RREB1: variants seen among roughly 807,000 people sequenced by gnomAD.
The protein encoded by RREB1 is ras-responsive element-binding protein 1.
In RREB1, 27 loss-of-function variants were observed where a neutral mutation model predicts 117.8. The observed-to-expected ratio is 0.23, with a 90% CI of 0.17 to 0.32. The LOEUF is 0.32. Ranked by LOEUF, RREB1 falls within the 10% of genes least tolerant of loss-of-function variation. The probability of loss-of-function intolerance (pLI) is 1.00; values close to 1 mark genes in which losing one functional copy is unlikely to be tolerated. For missense variants in RREB1, 2,577 were observed against 2,378.2 expected, an observed-to-expected ratio of 1.08 and a Z score of -1.74; for synonymous variants, 1,298 against 1,026.7, an observed-to-expected ratio of 1.26 and a Z score of -5.05.
chr6:7,244,390 T>C (rs1026583114), intron 11 of RREB1, among the ~76,000 whole-genome samples: 3 of 152,052 alleles, frequency 2.0e-5, no homozygotes, highest in Non-Finnish European at 4.4e-5. Flanking sequence ...CTGGGCAACA[T>C]AGGGAGACCC....
intron 6 of RREB1, among the ~76,000 whole-genome samples, chr6:7,195,825 T>C (rs907899947): frequency 6.6e-6 from 1 of 152,204 alleles, no homozygotes; most frequent in Non-Finnish European, 1.5e-5. Flanking sequence ...TGTAACCCGT[T>C]TGAGGCCCTC....
Position 7,246,956 on chromosome 6 carries a change from G to T in RREB1, c.4506G>T (p.Glu1502Asp). 6.4e-7 allele frequency: 1 copy of T among 1,566,058 alleles called. No homozygotes were observed. The highest frequency in any genetic ancestry group is 8.6e-7 in the Non-Finnish European group (1 of 1,156,896). Residue 1502 changes from glutamate to aspartate, a missense_variant, in exon 12 of 13, where the codon GAG becomes GAT. Transcript: ENST00000379938. ...CTGAACAGGAGGAGAAGCCCCCCGAGACCCCGGCAGAGGTGGTGGAGTCGG... is the reference window on the plus strand; with the variant it reads ...CTGAACAGGAGGAGAAGCCCCCCGATACCCCGGCAGAGGTGGTGGAGTCGG... Reference protein sequence around the residue: ...PAPEQEEKPPETPAEVVESAP... With the variant: ...PAPEQEEKPPDTPAEVVESAP...
At position 7,230,133 on chromosome 6, in the gene RREB1, C is replaced by T; in HGVS notation, c.2034C>T (p.Tyr678=). 2 of 1,604,764 alleles carry T rather than the reference C, an allele frequency of 1.2e-6. No individual in the cohort carries two copies. Among genetic ancestry groups the T allele is most frequent in the Non-Finnish European group, 8.5e-7 (1 of 1,177,206 alleles). ...CATACCAGTGCAACATCTGCGACTA[C>T]ATCGCCGCCGACAAGGCCGCGCTCA... ...ISPYQCNICD[Y]IAADKAALIR... The change falls in exon 10 of 13, where the codon TAC becomes TAT. Residue 678 remains tyrosine, a synonymous_variant. Coordinates refer to ENST00000379938, the MANE Select transcript of RREB1 (RefSeq NM_001003699.4).
chr6:7,247,098 C>T lies in RREB1; in HGVS notation c.4648C>T (p.Pro1550Ser), dbSNP rs1271652371. Residue 1550 changes from proline (P) to serine (S), a missense_variant, in exon 12 of 13, where the codon CCA (proline) becomes TCA (serine). Coordinates refer to ENST00000379938, the MANE Select transcript of RREB1 (RefSeq NM_001003699.4). ...SSEKSDDDKK[P>S]KTDSPKSVAS... is the part of the protein sequence containing the mutation. ...AGAGAAGAGCGACGATGACAAGAAACCAAAGACAGACTCCCCCAAAAGCGT... is the reference window on the plus strand; with the variant it reads ...AGAGAAGAGCGACGATGACAAGAAATCAAAGACAGACTCCCCCAAAAGCGT... The T allele has an allele frequency of 3.1e-6, 5 of 1,613,726 alleles. No individual in the cohort carries two copies. Among genetic ancestry groups the T allele is most frequent in the Middle Eastern group, 1.6e-4 (1 of 6,084 alleles).
chr6:7,205,740 G>A (rs1766235746), intron 6 of RREB1, among the ~76,000 whole-genome samples: 1 of 152,168 alleles, frequency 6.6e-6, no homozygotes, highest in Non-Finnish European at 1.5e-5. Context: ...TTCAGCCCTT[G>A]CACAGGGTGT....
chr6:7,121,899 A>G (rs1007524184), intron 1 of RREB1, among the ~76,000 whole-genome samples: 1 of 152,046 alleles, frequency 6.6e-6, no homozygotes, highest in Non-Finnish European at 1.5e-5. Context: ...GCAGGGTGCA[A>G]TCTGACCCTG....
rs765436629 is a variant in RREB1, at chr6:7,230,940, C to G, written c.2841C>G (p.Asp947Glu). Residue 947 changes from aspartate (D) to glutamate (E), a missense_variant, in exon 10 of 13, where the codon GAC (aspartate) becomes GAG (glutamate). Asp to Glu is a conservative substitution (Grantham distance 45). Transcript: ENST00000379938. ...LSIPKNFRKG[D>E]KDLATPSEAK... ...TCCCCAAGAACTTCAGGAAAGGGGA[C>G]AAGGATTTGGCCACTCCCAGCGAAG... 5.6e-6 allele frequency: 9 copies of G among 1,613,882 alleles called. No homozygotes were observed. The East Asian group carries it at 2.0e-4, about 36-fold the overall frequency.
At chr6:7,223,082 A>G (rs1767357882) in intron 8 of RREB1, among the ~76,000 whole-genome samples, 1 of 151,696 alleles carries the variant, frequency 6.6e-6, no homozygotes, top group African/African-American at 2.4e-5. Flanking sequence ...TGGTGACACC[A>G]TGTCTCTACA....
At chr6:7,212,583 G>A (rs137898079) in intron 8 of RREB1, 2 of 152,236 alleles carry the variant, frequency 1.3e-5, no homozygotes, top group Admixed American at 6.5e-5. Flanking sequence ...GTCGTTGAGA[G>A]ACTTGAAAGT....
At chr6:7,223,257 TAAA>T (rs59558597) in intron 8 of RREB1, among the ~76,000 whole-genome samples, 3 of 97,276 alleles carry the variant, frequency 3.1e-5, no homozygotes, top group South Asian at 3.6e-4. Context: ...ACTCTCTTTT[TAAA>T]AAAAAAAAAA....
intron 6 of RREB1, among the ~76,000 whole-genome samples, chr6:7,195,451 C>T (rs7743323): frequency 0.12 from 18,450 of 152,166 alleles, 1,572 homozygotes; most frequent in Non-Finnish European, 0.18. Flanking sequence ...ATCTGAGACT[C>T]TAGTAGTGAG....
At chr6:7,178,312 T>G (rs886626665) in intron 2 of RREB1, among the ~76,000 whole-genome samples, 1 of 152,168 alleles carries the variant, frequency 6.6e-6, no homozygotes, top group Non-Finnish European at 1.5e-5. Context: ...TTAGTAATGG[T>G]CTTTTATTCC....
At chr6:7,133,915 A>G (rs2113362545) in intron 1 of RREB1, among the ~76,000 whole-genome samples, 1 of 152,330 alleles carries the variant, frequency 6.6e-6, no homozygotes, top group African/African-American at 2.4e-5. Context: ...AATAAAACCC[A>G]TTTTTGTACA....
At chr6:7,142,873 A>T (rs1762678491) in intron 1 of RREB1, among the ~76,000 whole-genome samples, 1 of 152,000 alleles carries the variant, frequency 6.6e-6, no homozygotes, top group African/African-American at 2.4e-5. Context: ...TCATGGGGGG[A>T]TAACTTTTCT....
rs753632181 is a variant in RREB1, at chr6:7,231,106, C to A, written c.3007C>A (p.Pro1003Thr). ...CCCTGCTCCGGCGGCCACCCCGGAA[C>A]CCCCAGCACAGCCCCTGCAGGGCCC... ...MAPAPAATPEPPAQPLQGPVQ... is the reference protein window; with the variant it reads ...MAPAPAATPETPAQPLQGPVQ... Residue 1003 changes from proline to threonine, a missense_variant, in exon 10 of 13, where the codon CCC (proline) becomes ACC (threonine). Transcript: ENST00000379938. 1 of 1,612,970 alleles carries A rather than the reference C, an allele frequency of 6.2e-7. No individual in the cohort carries two copies. Among genetic ancestry groups the A allele is most frequent in the Non-Finnish European group, 8.5e-7 (1 of 1,179,962 alleles).
At position 7,226,588 on chromosome 6, in the gene RREB1, A is replaced by G; in HGVS notation, c.829A>G (p.Ile277Val). The G allele has an allele frequency of 1.2e-6, 2 of 1,614,166 alleles. No individual in the cohort carries two copies. The highest frequency in any genetic ancestry group is 2.2e-5 in the South Asian group (2 of 91,082). The change falls in exon 9 of 13, where the codon ATT (isoleucine) becomes GTT (valine). Residue 277 changes from isoleucine to valine, a missense_variant. Coordinates refer to ENST00000379938, the MANE Select transcript of RREB1 (RefSeq NM_001003699.4). ...GRPFIQNNPS[I>V]PAGFHDLGFT... ...ACCTTTCATACAGAACAACCCTTCAATTCCTGCTGGCTTCCACGACTTAGG... is the reference window on the plus strand; with the variant it reads ...ACCTTTCATACAGAACAACCCTTCAGTTCCTGCTGGCTTCCACGACTTAGG...
intron 1 of RREB1, among the ~76,000 whole-genome samples, chr6:7,169,594 G>A (rs535701151): frequency 1.7e-4 from 26 of 152,322 alleles, no homozygotes; most frequent in African/African-American, 6.3e-4. Flanking sequence ...ACAAATGGCT[G>A]CCATTTAGCA....
intron 12 of RREB1, 83 bp from the exon 13 acceptor site, chr6:7,248,428 G>A: frequency 8.3e-7 from 1 of 1,210,648 alleles, no homozygotes; most frequent in African/African-American, 1.5e-5. Flanking sequence ...TAGCCTGGGA[G>A]CCTCATTCTT....
chr6:7,142,475 C>T (rs1218345915), intron 1 of RREB1, among the ~76,000 whole-genome samples: 2 of 152,248 alleles, frequency 1.3e-5, no homozygotes, highest in Admixed American at 6.5e-5. Flanking sequence ...AGTACATCAC[C>T]GGTGAGGGCA....
Sources: gnomAD v4.1 joint callset for allele counts (sites outside exome capture counted in the v4.1 genomes callset) on GRCh38, gnomAD v4.1.1 for gene constraint, MANE v1.5 for transcripts, NCBI Gene and HGNC (gene_info 2026-07-23, HGNC 2026-07-21) for gene names.